MCCC2: variants seen among roughly 807,000 people sequenced by gnomAD.
The protein encoded by MCCC2 is methylcrotonoyl-CoA carboxylase beta chain, mitochondrial.
A neutral mutation model predicts 77.2 loss-of-function variants in MCCC2; 52 were observed. The ratio of observed to expected loss-of-function variants is 0.67; its 90% CI spans 0.54 to 0.85. MCCC2 has a LOEUF of 0.85. Among genes scored for constraint, MCCC2 ranks in the 40% least tolerant of loss-of-function variants. MCCC2 has a pLI of 0.00. For missense variants in MCCC2, 682 were observed against 703.2 expected, an observed-to-expected ratio of 0.97 and a Z score of 0.34; for synonymous variants, 253 against 248.4, an observed-to-expected ratio of 1.02 and a Z score of -0.18.
At chr5:71,605,791 A>G (rs551464104) in intron 6 of MCCC2, among the ~76,000 whole-genome samples, 1 of 152,122 alleles carries the variant, frequency 6.6e-6, no homozygotes, top group African/African-American at 2.4e-5. Flanking sequence ...TCAGCTTTCT[A>G]CATATGGCTA....
Position 71,641,089 on chromosome 5 carries a change from G to A in MCCC2, c.1072+14G>A, listed in dbSNP as rs1269625914. The A allele has an allele frequency of 1.9e-6, 3 of 1,609,160 alleles. No homozygotes were observed. The Admixed American group carries it at 5.0e-5, about 27-fold the overall frequency. On this transcript the variant is annotated intron_variant, in intron 11 of 16. Transcript: ENST00000340941. ...CATTAGTTACAGGTATAAAGGTGAA[G>A]AATTGAAAATACGAACATTTTCTGC...
chr5:71,638,552 G>A lies in MCCC2; in HGVS notation c.1000-2451G>A, dbSNP rs148248344. ...TTCTTTTTTTTTGAGACGGAGTCTC[G>A]CTCTGTCGCCCAGGCTGGAATGCAG... On this transcript the variant is annotated intron_variant, in intron 10 of 16. Coordinates refer to ENST00000340941, the MANE Select transcript of MCCC2 (RefSeq NM_022132.5). Among the ~76,000 whole-genome samples the A allele has an allele frequency of 2.6e-3, 391 of 152,154 alleles. 1 individual carries two copies. The highest frequency in any genetic ancestry group is 9.0e-3 in the African/African-American group (375 of 41,526).
intron 1 of MCCC2, among the ~76,000 whole-genome samples, chr5:71,588,604 G>GT (rs1744852019): frequency 6.6e-6 from 1 of 152,226 alleles, no homozygotes; most frequent in Admixed American, 6.5e-5. Flanking sequence ...AAGAAAGCAG[G>GT]TAACTGTGGT....
Position 71,604,476 on chromosome 5 carries a change from T to C in MCCC2, c.624+8T>C, listed in dbSNP as rs1745586854. On this transcript the variant is annotated splice_region_variant and intron_variant, in intron 6 of 16. Coordinates refer to ENST00000340941, the MANE Select transcript of MCCC2 (RefSeq NM_022132.5). ...TCTAAAAATATTGCACAGGTAATTT[T>C]TCATGAATAAAGTGTACAGTGGTGC... is the stretch of plus-strand genomic sequence containing the variant. The C allele has an allele frequency of 1.2e-6, 2 of 1,601,182 alleles. No individual in the cohort carries two copies. The highest frequency in any genetic ancestry group is 1.7e-6 in the Non-Finnish European group (2 of 1,168,352).
chr5:71,603,235 A>G (rs1012628865), intron 5 of MCCC2, among the ~76,000 whole-genome samples: 6 of 151,046 alleles, frequency 4.0e-5, no homozygotes, highest in Middle Eastern at 3.2e-3. Flanking sequence ...ACACACTGAA[A>G]CCTCGTCTCT....
intron 4 of MCCC2, 119 bp from the exon 5 acceptor site, chr5:71,602,387 G>GATGTT: frequency 1.6e-6 from 2 of 1,238,060 alleles, no homozygotes; most frequent in East Asian, 4.7e-5. Context: ...TCTGCTAATG[G>GATGTT]ATGTTAATAG....
intron 3 of MCCC2, among the ~76,000 whole-genome samples, chr5:71,597,880 G>A (rs151306267): frequency 3.1e-4 from 47 of 152,214 alleles, no homozygotes; most frequent in East Asian, 1.4e-3. Context: ...AGTGAGAGGC[G>A]GACTAGTGGT....
At chr5:71,596,850 G>C (rs929391421) in intron 3 of MCCC2, among the ~76,000 whole-genome samples, 1 of 152,088 alleles carries the variant, frequency 6.6e-6, no homozygotes, top group Non-Finnish European at 1.5e-5. Context: ...TGAGGCAGGA[G>C]AGTCGCTCGA....
At chr5:71,623,459 G>A (rs75319136) in intron 6 of MCCC2, among the ~76,000 whole-genome samples, 2,242 of 152,222 alleles carry the variant, frequency 0.015, 56 homozygotes, top group African/African-American at 0.052. Flanking sequence ...TTGCCATACA[G>A]CCTCTTCCTA....
chr5:71,624,461 T>C (rs1408092660), intron 6 of MCCC2, among the ~76,000 whole-genome samples: 2 of 151,984 alleles, frequency 1.3e-5, no homozygotes, highest in African/African-American at 4.8e-5. Context: ...TACCGCAACC[T>C]GTGCCTCCCG....
chr5:71,602,077 T>G (rs1745457750), intron 4 of MCCC2, among the ~76,000 whole-genome samples: 1 of 152,224 alleles, frequency 6.6e-6, no homozygotes, highest in African/African-American at 2.4e-5. Context: ...AGGTCAGTTT[T>G]CATTTTTGCA....
At chr5:71,656,680 T>C (rs1747589774) in intron 16 of MCCC2, 63 bp from the exon 17 acceptor site, 3 of 1,265,764 alleles carry the variant, frequency 2.4e-6, no homozygotes, top group Non-Finnish European at 3.5e-6. Context: ...TTTCTGCACA[T>C]GGAGAGTGTA....
At chr5:71,631,544 T>G (rs867849177) in intron 7 of MCCC2, among the ~76,000 whole-genome samples, 1 of 148,556 alleles carries the variant, frequency 6.7e-6, no homozygotes, top group Non-Finnish European at 1.5e-5. Flanking sequence ...TCTTCTTTTT[T>G]TTTTTTTTTT....
At chr5:71,606,884 A>G (rs1283654173) in intron 6 of MCCC2, among the ~76,000 whole-genome samples, 2 of 150,910 alleles carry the variant, frequency 1.3e-5, no homozygotes, top group Admixed American at 6.6e-5. Context: ...ACATTTACTG[A>G]TTTGCATATA....
At position 71,648,292 on chromosome 5, in the gene MCCC2, G is replaced by C. The variant is rs191465054; in HGVS notation, c.1217-805G>C. On this transcript the variant is annotated intron_variant, in intron 13 of 16. Transcript: ENST00000340941. Reference sequence around the variant, plus strand: ...CTTTGCTGGAGACTTGCGGGGTAAGGAGACAAGCGAAGCCCAACTCAGTGT... The same window carrying C: ...CTTTGCTGGAGACTTGCGGGGTAAGCAGACAAGCGAAGCCCAACTCAGTGT... Among the ~76,000 whole-genome samples, 5 of 152,300 alleles carry C rather than the reference G, an allele frequency of 3.3e-5. No homozygotes were observed. The East Asian group carries it at 9.6e-4, about 29-fold the overall frequency.
At chr5:71,625,134 A>G (rs1746496288) in intron 6 of MCCC2, among the ~76,000 whole-genome samples, 1 of 152,124 alleles carries the variant, frequency 6.6e-6, no homozygotes, top group South Asian at 2.1e-4. Context: ...GGACTCTGCC[A>G]TGCCTGCTTA....
intron 13 of MCCC2, among the ~76,000 whole-genome samples, chr5:71,647,473 A>C (rs145002708): frequency 6.6e-5 from 10 of 152,338 alleles, no homozygotes; most frequent in Middle Eastern, 3.4e-3. Flanking sequence ...GTTTTTAATA[A>C]TGATTCCTGG....
intron 11 of MCCC2, among the ~76,000 whole-genome samples, chr5:71,643,438 C>T (rs948775340): frequency 6.6e-6 from 1 of 152,122 alleles, no homozygotes; most frequent in Non-Finnish European, 1.5e-5. Flanking sequence ...TCTCTCTTAT[C>T]TGTTAATTTT....
chr5:71,592,048 A>G (rs1314792319), intron 1 of MCCC2, among the ~76,000 whole-genome samples: 2 of 152,226 alleles, frequency 1.3e-5, no homozygotes, highest in Non-Finnish European at 2.9e-5. Flanking sequence ...GATAACAGAC[A>G]TAAGCCACCA....
Sources: gnomAD v4.1 joint callset for allele counts (sites outside exome capture counted in the v4.1 genomes callset) on GRCh38, gnomAD v4.1.1 for gene constraint, MANE v1.5 for transcripts, NCBI Gene and HGNC (gene_info 2026-07-23, HGNC 2026-07-21) for gene names.